Variants in DLGAP1 observed in about 807,000 individuals in gnomAD.
DLGAP1 encodes disks large-associated protein 1.
DLGAP1 carries 11 observed loss-of-function variants against 90.8 expected under a neutral mutation model. That is an observed-to-expected ratio of 0.12 (90% CI 0.08 to 0.20). The LOEUF is 0.20. Among genes scored for constraint, DLGAP1 ranks in the 10% least tolerant of loss-of-function variants. DLGAP1 has a pLI of 1.00. For synonymous variants in DLGAP1, 558 were observed against 540.7 expected (o/e 1.03, Z -0.44); for missense variants, 1,050 against 1,333.8 (o/e 0.79, Z 3.31).
chr18:3,669,819 T>C (rs1024007488), intron 7 of DLGAP1, among the ~76,000 whole-genome samples: 3 of 152,164 alleles, frequency 2.0e-5, no homozygotes, highest in African/African-American at 7.2e-5. Flanking sequence ...CCTCTGTCCT[T>C]GTGATGAGGA....
At chr18:4,434,807 C>A (rs9956073) in intron 1 of DLGAP1, among the ~76,000 whole-genome samples, 7,448 of 152,068 alleles carry the variant, frequency 0.049, 594 homozygotes, top group African/African-American at 0.17. Flanking sequence ...TAGAGGTCTG[C>A]CATGCAGAAA....
intron 6 of DLGAP1, among the ~76,000 whole-genome samples, chr18:3,739,975 T>C (rs1048396847): frequency 2.0e-5 from 3 of 152,186 alleles, no homozygotes; most frequent in Non-Finnish European, 4.4e-5. Context: ...GTTGGTATCT[T>C]ACTAAGCTAT....
chr18:3,745,713 G>C (rs140940678), intron 5 of DLGAP1, among the ~76,000 whole-genome samples: 1,658 of 152,024 alleles, frequency 0.011, 14 homozygotes, highest in Non-Finnish European at 0.018. Flanking sequence ...TTTTTGAGAT[G>C]GAGTCTTGCT....
intron 5 of DLGAP1, among the ~76,000 whole-genome samples, chr18:3,790,783 CGGCA>C (rs1302194680): frequency 6.6e-6 from 1 of 151,922 alleles, no homozygotes; most frequent in Non-Finnish European, 1.5e-5. Flanking sequence ...GCATTTGTGG[CGGCA>C]GGCAGTGGGG....
At chr18:3,720,298 T>A (rs2061925768) in intron 7 of DLGAP1, among the ~76,000 whole-genome samples, 1 of 152,198 alleles carries the variant, frequency 6.6e-6, no homozygotes, top group Non-Finnish European at 1.5e-5. Flanking sequence ...AAAATTCTCT[T>A]GTATGTTGGT....
intron 1 of DLGAP1, among the ~76,000 whole-genome samples, chr18:4,446,068 AAT>A (rs1567930324): frequency 6.6e-6 from 1 of 152,176 alleles, no homozygotes; most frequent in African/African-American, 2.4e-5. Flanking sequence ...AAAGAGGAAA[AAT>A]AGCTGGAACA....
intron 3 of DLGAP1, among the ~76,000 whole-genome samples, chr18:4,000,117 T>G (rs1006370709): frequency 2.6e-5 from 4 of 152,208 alleles, no homozygotes; most frequent in Non-Finnish European, 5.9e-5. Flanking sequence ...ACCCAGCCTC[T>G]TTTTGTATTT....
rs79380059 is a variant in DLGAP1, at chr18:3,697,685, C to T, written c.1591+31450G>A. Among the ~76,000 whole-genome samples the T allele has an allele frequency of 3.4e-3, 516 of 152,072 alleles. 3 individuals carry two copies. The highest frequency in any genetic ancestry group is 0.012 in the African/African-American group (486 of 41,484). ...CTGTTGATTCAGAGTGGGAGAGTTC[C>T]GTAGATGTCTATTAGGTCCACTTGG... On this transcript the variant is annotated intron_variant, in intron 7 of 12. Transcript: ENST00000315677.
intron 2 of DLGAP1, among the ~76,000 whole-genome samples, chr18:4,134,338 G>A (rs892758406): frequency 3.3e-5 from 5 of 152,036 alleles, no homozygotes; most frequent in African/African-American, 1.2e-4. Context: ...TGGGGCGGGA[G>A]GTTGGGGGGA....
At chr18:3,830,245 C>T (rs7232492) in intron 4 of DLGAP1, among the ~76,000 whole-genome samples, 20,749 of 152,170 alleles carry the variant, frequency 0.14, 1,517 homozygotes, top group South Asian at 0.18. Flanking sequence ...AATCTACAGT[C>T]ACCTGAAACA....
intron 7 of DLGAP1, among the ~76,000 whole-genome samples, chr18:3,666,098 A>G (rs2059872167): frequency 6.6e-6 from 1 of 152,180 alleles, no homozygotes; most frequent in Admixed American, 6.5e-5. Flanking sequence ...CAGGCAGAGG[A>G]CGCAACAGAG....
intron 1 of DLGAP1, among the ~76,000 whole-genome samples, chr18:4,201,668 G>C (rs56669061): frequency 0.069 from 10,511 of 151,996 alleles, 1,020 homozygotes; most frequent in African/African-American, 0.22. Flanking sequence ...GAAAAGATGT[G>C]AACAGACATT....
intron 7 of DLGAP1, among the ~76,000 whole-genome samples, chr18:3,661,727 C>T (rs564344367): frequency 6.6e-6 from 1 of 152,068 alleles, no homozygotes; most frequent in East Asian, 1.9e-4. Context: ...CAGGCGCCTG[C>T]CACCATGCCT....
rs960705668 is a variant in DLGAP1, at chr18:3,650,212, T to G, written c.1592-67964A>C. ...CACCTGCCATCATGCCTGGCTAATTTTTTGTATTTTTAGTAGAGACAGAGT... is the reference window on the plus strand; with the variant it reads ...CACCTGCCATCATGCCTGGCTAATTGTTTGTATTTTTAGTAGAGACAGAGT... On this transcript the variant is annotated intron_variant, in intron 7 of 12. Transcript: ENST00000315677. Among the ~76,000 whole-genome samples the G allele has an allele frequency of 3.9e-5, 6 of 152,266 alleles. No homozygotes were observed. In the South Asian group the frequency reaches 1.0e-3, roughly 26 times the overall value.
chr18:4,122,120 T>A (rs1049574219), intron 2 of DLGAP1, among the ~76,000 whole-genome samples: 2 of 152,170 alleles, frequency 1.3e-5, no homozygotes, highest in Non-Finnish European at 1.5e-5. Flanking sequence ...TCCAAAAATA[T>A]GTATGGCAAA....
At chr18:3,950,861 G>C (rs1356711124) in intron 3 of DLGAP1, among the ~76,000 whole-genome samples, 1 of 152,120 alleles carries the variant, frequency 6.6e-6, no homozygotes, top group Non-Finnish European at 1.5e-5. Flanking sequence ...ATTTTGATAG[G>C]TCAGCAATTT....
chr18:3,938,362 G>T (rs943926858), intron 3 of DLGAP1, among the ~76,000 whole-genome samples: 9 of 152,242 alleles, frequency 5.9e-5, no homozygotes, highest in African/African-American at 1.9e-4. Flanking sequence ...AGAAGGGCCT[G>T]GGGAGAAGAA....
At chr18:3,862,824 T>C (rs1175526129) in intron 4 of DLGAP1, among the ~76,000 whole-genome samples, 1 of 152,256 alleles carries the variant, frequency 6.6e-6, no homozygotes, top group African/African-American at 2.4e-5. Context: ...TGGAATGATT[T>C]ATTTAATGCC....
chr18:4,141,885 T>G (rs1033506330), intron 2 of DLGAP1, among the ~76,000 whole-genome samples: 4 of 152,098 alleles, frequency 2.6e-5, no homozygotes, highest in African/African-American at 9.7e-5. Context: ...TGTTTTATCT[T>G]GAAATTTGTT....
Sources: gnomAD v4.1 joint callset for allele counts (sites outside exome capture counted in the v4.1 genomes callset) on GRCh38, gnomAD v4.1.1 for gene constraint, MANE v1.5 for transcripts, NCBI Gene and HGNC (gene_info 2026-07-23, HGNC 2026-07-21) for gene names.